Variants in CTIF observed in about 807,000 individuals in gnomAD.
CTIF encodes cap binding complex dependent translation initiation factor.
A neutral mutation model predicts 66.0 loss-of-function variants in CTIF; 21 were observed. The ratio of observed to expected loss-of-function variants is 0.32; its 90% CI spans 0.23 to 0.46. The LOEUF (loss-of-function observed/expected upper bound fraction) is 0.46, where lower values mean the gene tolerates loss of function less well. Among genes scored for constraint, CTIF ranks in the 20% least tolerant of loss-of-function variants. The pLI is 1.00. For missense variants in CTIF, 739 were observed against 812.7 expected, an observed-to-expected ratio of 0.91 and a Z score of 1.10; for synonymous variants, 345 against 326.4, an observed-to-expected ratio of 1.06 and a Z score of -0.62.
intron 10 of CTIF, among the ~76,000 whole-genome samples, chr18:48,845,456 C>T (rs2069049704): frequency 6.6e-6 from 1 of 152,192 alleles, no homozygotes; most frequent in Non-Finnish European, 1.5e-5. Context: ...CTCATGACGC[C>T]ATTTCCTCCT....
chr18:48,603,531 ATGGATGAATGTG>A (rs1180388673), intron 1 of CTIF, among the ~76,000 whole-genome samples: 41 of 145,440 alleles, frequency 2.8e-4, no homozygotes, highest in African/African-American at 1.0e-3. Flanking sequence ...GGATGGATAG[ATGGATGAATGTG>A]TGGATGGATG....
At chr18:48,769,689 C>T (rs1415592138) in intron 9 of CTIF, among the ~76,000 whole-genome samples, 2 of 152,234 alleles carry the variant, frequency 1.3e-5, no homozygotes, top group South Asian at 4.1e-4. Context: ...TTTGCCCCTG[C>T]GGCCAGAGCC....
chr18:48,745,899 C>G (rs8088255), intron 7 of CTIF, among the ~76,000 whole-genome samples: 67,713 of 152,172 alleles, frequency 0.44, 15,670 homozygotes, highest in African/African-American at 0.55. Context: ...AGCCCTGGCT[C>G]AAAAACGTGG....
chr18:48,645,488 G>T (rs2091013932), intron 3 of CTIF, among the ~76,000 whole-genome samples: 1 of 152,136 alleles, frequency 6.6e-6, no homozygotes, highest in Non-Finnish European at 1.5e-5. Context: ...TGGGAGCTCA[G>T]ATCCCACCCC....
chr18:48,653,500 T>C (rs2144791144), intron 3 of CTIF, among the ~76,000 whole-genome samples: 1 of 152,274 alleles, frequency 6.6e-6, no homozygotes, highest in South Asian at 2.1e-4. Context: ...GGAAGAACAT[T>C]CTATGCTCAT....
At chr18:48,723,422 C>A (rs948411789) in intron 7 of CTIF, among the ~76,000 whole-genome samples, 1 of 152,210 alleles carries the variant, frequency 6.6e-6, no homozygotes, top group Non-Finnish European at 1.5e-5. Flanking sequence ...TTCTCCCCAC[C>A]TGCACTAGGT....
intron 10 of CTIF, among the ~76,000 whole-genome samples, chr18:48,842,130 G>A (rs1219317094): frequency 1.3e-5 from 2 of 152,226 alleles, no homozygotes; most frequent in African/African-American, 4.8e-5. Context: ...CTGCCTTGGT[G>A]GCTGTTTTCG....
At chr18:48,855,988 T>G (rs958375405) in intron 10 of CTIF, among the ~76,000 whole-genome samples, 4 of 151,660 alleles carry the variant, frequency 2.6e-5, no homozygotes, top group African/African-American at 7.3e-5. Flanking sequence ...TCCCTGAGAG[T>G]CGTGATGATC....
chr18:48,609,029 C>G (rs138194856), intron 1 of CTIF, among the ~76,000 whole-genome samples: 2 of 152,372 alleles, frequency 1.3e-5, no homozygotes, highest in East Asian at 3.9e-4. Context: ...AGTTAATTTT[C>G]ATTCTTGGCC....
intron 10 of CTIF, among the ~76,000 whole-genome samples, chr18:48,824,299 C>G (rs1000549633): frequency 6.6e-6 from 1 of 152,176 alleles, no homozygotes; most frequent in South Asian, 2.1e-4. Flanking sequence ...TTCTCCTGCC[C>G]AGGTCCTCAG....
At chr18:48,705,821 A>G (rs760540335) in intron 6 of CTIF, among the ~76,000 whole-genome samples, 1 of 152,120 alleles carries the variant, frequency 6.6e-6, no homozygotes, top group Non-Finnish European at 1.5e-5. Flanking sequence ...ACTATCACCC[A>G]CCTGGCAGAA....
intron 6 of CTIF, among the ~76,000 whole-genome samples, chr18:48,678,137 C>G (rs1339114789): frequency 6.6e-6 from 1 of 152,050 alleles, no homozygotes; most frequent in African/African-American, 2.4e-5. Flanking sequence ...AGACGGTAGT[C>G]ACGTACAGCA....
intron 9 of CTIF, among the ~76,000 whole-genome samples, chr18:48,782,174 G>C (rs971975085): frequency 1.3e-5 from 2 of 151,912 alleles, no homozygotes; most frequent in African/African-American, 4.8e-5. Flanking sequence ...GGCGTGGAGG[G>C]TGAAGTCCAA....
intron 7 of CTIF, among the ~76,000 whole-genome samples, chr18:48,736,414 C>T (rs1464340295): frequency 6.6e-6 from 1 of 152,182 alleles, no homozygotes; most frequent in Non-Finnish European, 1.5e-5. Flanking sequence ...TGAGTGGAAG[C>T]CAGAGCTGTG....
intron 6 of CTIF, among the ~76,000 whole-genome samples, chr18:48,698,740 T>C (rs1368367731): frequency 6.6e-6 from 1 of 152,232 alleles, no homozygotes; most frequent in East Asian, 1.9e-4. Context: ...ACTCTTCTGA[T>C]GCCCTAATCT....
chr18:48,607,617 C>T (rs1050361887), intron 1 of CTIF, among the ~76,000 whole-genome samples: 1 of 152,224 alleles, frequency 6.6e-6, no homozygotes, highest in Non-Finnish European at 1.5e-5. Context: ...CAGACAGGTC[C>T]TCAGCCTCCA....
intron 9 of CTIF, among the ~76,000 whole-genome samples, chr18:48,766,097 T>TCC (rs1419247816): frequency 2.8e-5 from 3 of 105,758 alleles, no homozygotes; most frequent in Non-Finnish European, 3.7e-5. Context: ...ATGCTATCCC[T>TCC]CCCCCCTCCC....
At chr18:48,836,643 G>A (rs1455016451) in intron 10 of CTIF, among the ~76,000 whole-genome samples, 8 of 152,228 alleles carry the variant, frequency 5.3e-5, no homozygotes, top group Non-Finnish European at 7.3e-5. Flanking sequence ...GAAGCAGGGT[G>A]GGAAGCCCCA....
At chr18:48,599,955 G>A (rs2144116008) in intron 1 of CTIF, among the ~76,000 whole-genome samples, 1 of 152,276 alleles carries the variant, frequency 6.6e-6, no homozygotes, top group African/African-American at 2.4e-5. Flanking sequence ...TTTCCTACCT[G>A]TGACACCCTC....
Sources: gnomAD v4.1 joint callset for allele counts (sites outside exome capture counted in the v4.1 genomes callset) on GRCh38, gnomAD v4.1.1 for gene constraint, MANE v1.5 for transcripts, NCBI Gene and HGNC (gene_info 2026-07-23, HGNC 2026-07-21) for gene names.